The following DNAAF9 variants were observed in gnomAD, a reference collection of about 807,000 sequenced individuals.
The protein encoded by DNAAF9 is dynein axonemal assembly factor 9.
DNAAF9 carries 90 observed loss-of-function variants against 167.0 expected under a neutral mutation model. That is an observed-to-expected ratio of 0.54 (90% CI 0.45 to 0.64). The LOEUF (loss-of-function observed/expected upper bound fraction) is 0.64, where lower values mean the gene tolerates loss of function less well. DNAAF9 is among the 30% of genes least tolerant of loss of function. The probability of loss-of-function intolerance (pLI) is 0.00; values close to 1 mark genes in which losing one functional copy is unlikely to be tolerated. For missense variants in DNAAF9, 1,315 were observed against 1,442.2 expected (o/e 0.91, Z 1.43); for synonymous variants, 491 against 508.8 (o/e 0.96, Z 0.47).
chr20:3,369,518 A>G (rs977124079), intron 6 of DNAAF9, among the ~76,000 whole-genome samples: 8 of 152,036 alleles, frequency 5.3e-5, no homozygotes, highest in South Asian at 2.1e-4. Flanking sequence ...CTGGGACTAC[A>G]GGCGTGTGCC....
intron 16 of DNAAF9, among the ~76,000 whole-genome samples, chr20:3,320,176 G>C (rs140287923): frequency 6.6e-6 from 1 of 152,306 alleles, no homozygotes; most frequent in Non-Finnish European, 1.5e-5. Flanking sequence ...ATAATGTATA[G>C]CTGGAGAAAC....
intron 34 of DNAAF9, 74 bp downstream of exon 34, chr20:3,255,932 C>T: frequency 8.8e-7 from 1 of 1,142,502 alleles, no homozygotes; most frequent in Non-Finnish European, 1.3e-6. Context: ...AGTGGCGGGG[C>T]TTCTCAGGGC....
chr20:3,292,204 T>TA (rs1201882706), intron 25 of DNAAF9, among the ~76,000 whole-genome samples: 2 of 152,078 alleles, frequency 1.3e-5, no homozygotes, highest in Non-Finnish European at 2.9e-5. Flanking sequence ...TTCACCTTGT[T>TA]GGTCAGGCTG....
At chr20:3,340,433 T>TCCGGGGGGGCCCCCCCCCCCC in intron 10 of DNAAF9, 71 bp downstream of exon 10, 2 of 221,214 alleles carry the variant, frequency 9.0e-6, no homozygotes, top group East Asian at 1.2e-4. Flanking sequence ...TTTGTCTAGC[T>TCCGGGGGGGCCCCCCCCCCCC]CCCCCCACCC....
At chr20:3,365,723 T>G (rs1600865227) in intron 6 of DNAAF9, among the ~76,000 whole-genome samples, 1 of 152,200 alleles carries the variant, frequency 6.6e-6, no homozygotes, top group Admixed American at 6.5e-5. Flanking sequence ...TAGAACTTTT[T>G]TCAAAATTAG....
rs763675077 is a variant in DNAAF9 at position 3,315,713 on chromosome 20, T to C, written c.1590+22A>G. On this transcript the variant is annotated intron_variant, in intron 19 of 36. Transcript: ENST00000252032. This position sits in a 1 kb window ranked among gnomAD's most constrained non-coding sequence, Gnocchi z 4.1. ...TTATTTTTTGATATAATGTTCACAC[T>C]GAGAATAAGAAGGCTGCTTACCCTC... 14 of 1,590,318 alleles carry C rather than the reference T, an allele frequency of 8.8e-6. No homozygotes were observed. The highest frequency in any genetic ancestry group is 1.0e-5 in the Non-Finnish European group (12 of 1,158,188).
At chr20:3,328,482 C>T (rs775165312) in intron 12 of DNAAF9, among the ~76,000 whole-genome samples, 20 of 152,124 alleles carry the variant, frequency 1.3e-4, no homozygotes, top group Non-Finnish European at 2.5e-4. Context: ...CCACTGCACC[C>T]GGCCTCTGTT....
chr20:3,327,079 G>A (rs377030157), intron 12 of DNAAF9, among the ~76,000 whole-genome samples: 1 of 152,196 alleles, frequency 6.6e-6, no homozygotes, highest in African/African-American at 2.4e-5. Flanking sequence ...CGGGAGAAGA[G>A]AGATGACCAG....
rs1263112673 is a variant in DNAAF9, at chr20:3,407,559, G to A, written c.-2C>T. 1.6e-6 allele frequency: 2 copies of A among 1,238,172 alleles called. No homozygotes were observed. The highest frequency in any genetic ancestry group is 2.0e-6 in the Non-Finnish European group (2 of 991,880). 76.7% of individuals were successfully genotyped at this position (1,238,172 alleles called of 1,614,324 possible). A position where few individuals can be genotyped will look rare whatever the true frequency, so the allele number is the denominator to read the frequency against. ...CCGGCGCGGGGGGTACACGTCCATGGCGGCGGACGACTGGCGGCGGAGGAG... is the reference window on the plus strand; with the variant it reads ...CCGGCGCGGGGGGTACACGTCCATGACGGCGGACGACTGGCGGCGGAGGAG... On this transcript the variant is annotated 5_prime_UTR_variant, in exon 1 of 37. Coordinates refer to ENST00000252032, the MANE Select transcript of DNAAF9 (RefSeq NM_001009984.3).
intron 7 of DNAAF9, among the ~76,000 whole-genome samples, chr20:3,356,507 C>T (rs1007992639): frequency 5.9e-5 from 9 of 152,184 alleles, no homozygotes; most frequent in African/African-American, 2.2e-4. Flanking sequence ...AATGTGTTTG[C>T]ATTGAAATGA....
At chr20:3,361,036 G>T (rs964835958) in intron 6 of DNAAF9, among the ~76,000 whole-genome samples, 3 of 152,168 alleles carry the variant, frequency 2.0e-5, no homozygotes, top group Non-Finnish European at 4.4e-5. Context: ...TCCCAGGCTG[G>T]TGGAGAGTGA....
intron 1 of DNAAF9, among the ~76,000 whole-genome samples, chr20:3,387,512 A>C (rs1209950233): frequency 6.6e-6 from 1 of 152,204 alleles, no homozygotes; most frequent in Non-Finnish European, 1.5e-5. Flanking sequence ...AAAGACCTAA[A>C]CATAAACATA....
chr20:3,329,515 G>A (rs1056336334), intron 12 of DNAAF9, among the ~76,000 whole-genome samples: 5 of 152,212 alleles, frequency 3.3e-5, no homozygotes, highest in Non-Finnish European at 7.3e-5. Flanking sequence ...AATTATAGCT[G>A]ATCTTAATTT....
At chr20:3,369,850 C>T (rs1367463969) in intron 6 of DNAAF9, among the ~76,000 whole-genome samples, 2 of 152,092 alleles carry the variant, frequency 1.3e-5, no homozygotes, top group Admixed American at 1.3e-4. Context: ...TCAGTTATTA[C>T]AACATTCACT....
chr20:3,278,473 C>A (rs1420691124), intron 29 of DNAAF9, among the ~76,000 whole-genome samples: 2 of 152,196 alleles, frequency 1.3e-5, no homozygotes, highest in African/African-American at 2.4e-5. Context: ...GTAATCCCAG[C>A]ACTTTGGGAG....
chr20:3,266,904 G>C (rs1315143937), intron 30 of DNAAF9, among the ~76,000 whole-genome samples: 1 of 147,992 alleles, frequency 6.8e-6, no homozygotes, highest in African/African-American at 2.5e-5. Context: ...CTAGGCTAGA[G>C]TGCAATGGCG....
intron 29 of DNAAF9, among the ~76,000 whole-genome samples, chr20:3,276,789 A>G (rs956492602): frequency 3.3e-5 from 5 of 152,194 alleles, no homozygotes; most frequent in African/African-American, 1.2e-4. Context: ...ATTTACAAGA[A>G]CAAGGCAGGC....
At chr20:3,362,239 C>T in intron 6 of DNAAF9, 1 of 1,388,224 alleles carries the variant, frequency 7.2e-7, no homozygotes, top group East Asian at 2.3e-5. Flanking sequence ...TGTGTCATCT[C>T]CTACTCCTTT....
In DNAAF9 at chr20:3,273,323, A is replaced by G. The variant is rs1057143520; in HGVS notation, c.2651-2761T>C. Among the ~76,000 whole-genome samples, 41 of 152,212 alleles carry G rather than the reference A, an allele frequency of 2.7e-4. 1 individual carries two copies. On this transcript the variant is annotated intron_variant, in intron 29 of 36. Coordinates refer to ENST00000252032, the MANE Select transcript of DNAAF9 (RefSeq NM_001009984.3). Reference sequence around the variant, plus strand: ...TAGCTGTATTCAGTTATTGAGGGCGAAACTCAGAACATATAGAAAGTGTGT... The same window carrying G: ...TAGCTGTATTCAGTTATTGAGGGCGGAACTCAGAACATATAGAAAGTGTGT...
Sources: allele counts gnomAD v4.1 joint callset (sites outside exome capture counted in the v4.1 genomes callset), GRCh38; gene constraint gnomAD v4.1.1; non-coding constraint Gnocchi (gnomAD v3.1); transcripts MANE v1.5; gene names NCBI Gene and HGNC (gene_info 2026-07-23, HGNC 2026-07-21).